BCCIP: variants seen among roughly 807,000 people sequenced by gnomAD.
BCCIP encodes BRCA2 and CDKN1A interacting protein, also known as BRCA2 and CDKN1A-interacting protein.
BCCIP carries 23 observed loss-of-function variants against 32.8 expected under a neutral mutation model. The ratio of observed to expected loss-of-function variants is 0.70; its 90% CI spans 0.51 to 0.99. The LOEUF (loss-of-function observed/expected upper bound fraction) is 0.99. Ranked by LOEUF, BCCIP falls within the 50% of genes least tolerant of loss-of-function variation. The pLI, the probability that BCCIP is intolerant of heterozygous loss-of-function variation, is 0.00. For missense variants in BCCIP, 378 were observed against 379.8 expected (o/e 1.00, Z 0.04); for synonymous variants, 144 against 137.6 (o/e 1.05, Z -0.33).
chr10:125,853,317 T>G, exon 8 of BCCIP: 1 of 824,228 alleles, frequency 1.2e-6, no homozygotes. Flanking sequence ...AATGGTAAAT[T>G]AGTCAATATT....
intron 7 of BCCIP, chr10:125,852,570 T>C (rs758457394): frequency 6.2e-7 from 1 of 1,613,804 alleles, no homozygotes; most frequent in Non-Finnish European, 8.5e-7. Context: ...AGAATCTGCT[T>C]GCGTATCTCT....
intron 4 of BCCIP, 87 bp downstream of exon 4, chr10:125,830,738 T>TA: frequency 1.3e-6 from 1 of 778,894 alleles, no homozygotes; most frequent in Non-Finnish European, 2.2e-6. Flanking sequence ...TCTTTTATGT[T>TA]AAACAGTGAT....
At chr10:125,852,697 TC>T in intron 7 of BCCIP, 1 of 1,474,452 alleles carries the variant, frequency 6.8e-7, no homozygotes, top group Non-Finnish European at 9.2e-7. Context: ...TTCAGTAGGC[TC>T]ACTGATCCTG....
intron 1 of BCCIP, among the ~76,000 whole-genome samples, chr10:125,825,183 G>T (rs1185676844): frequency 6.6e-6 from 1 of 152,224 alleles, no homozygotes; most frequent in Non-Finnish European, 1.5e-5. Context: ...GGGAATGAGG[G>T]ACAGGGCTCT....
intron 1 of BCCIP, chr10:125,826,352 C>G (rs1854388574): frequency 9.2e-6 from 5 of 540,958 alleles, no homozygotes; most frequent in South Asian, 6.8e-5. Flanking sequence ...CCCTTGTAAT[C>G]AGGAAAATAA....
At chr10:125,830,243 T>C (rs1334599090) in intron 3 of BCCIP, among the ~76,000 whole-genome samples, 6 of 152,240 alleles carry the variant, frequency 3.9e-5, no homozygotes, top group Admixed American at 3.9e-4. Context: ...TTGTATTATA[T>C]TGAGAATCTG....
rs756821006 is a variant in BCCIP at position 125,833,779 on chromosome 10, C to T, written c.607C>T (p.Leu203=). 6.2e-7 allele frequency: 1 copy of T among 1,613,948 alleles called. No individual in the cohort carries two copies. The highest frequency in any genetic ancestry group is 1.1e-5 in the South Asian group (1 of 91,034). The change falls in exon 6 of 7, where the codon CTG becomes TTG. Residue 203 remains leucine, a synonymous_variant. Coordinates refer to ENST00000278100, the MANE Select transcript of BCCIP (RefSeq NM_078468.3). ...TGTGTGTGTGCCTTGCAGGAAAGAA[C>T]TGGCGGGGGCACACAGAACCAATAA... ...LPMYQQLQKE[L]AGAHRTNKPC...
At chr10:125,849,326 C>T (rs996165227) in intron 7 of BCCIP, among the ~76,000 whole-genome samples, 1 of 152,186 alleles carries the variant, frequency 6.6e-6, no homozygotes, top group Non-Finnish European at 1.5e-5. Context: ...GCCTAAAGGG[C>T]TTCAGGAGCC....
intron 5 of BCCIP, 152 bp from the exon 6 acceptor site, chr10:125,833,620 A>C: frequency 1.5e-6 from 1 of 663,900 alleles, no homozygotes; most frequent in Non-Finnish European, 2.6e-6. Flanking sequence ...TATGTAAATA[A>C]AAATCATTCC....
intron 7 of BCCIP, among the ~76,000 whole-genome samples, chr10:125,849,595 T>C (rs1944064468): frequency 6.6e-6 from 1 of 151,480 alleles, no homozygotes; most frequent in Non-Finnish European, 1.5e-5. Flanking sequence ...GCTAGAATAT[T>C]TGCTCGACTC....
At chr10:125,835,760 A>T (rs1439826099) in intron 6 of BCCIP, among the ~76,000 whole-genome samples, 1 of 152,238 alleles carries the variant, frequency 6.6e-6, no homozygotes, top group East Asian at 1.9e-4. Context: ...GTGTTTGAAG[A>T]CAAGTTCTTG....
chr10:125,835,868 A>C (rs761069013), intron 6 of BCCIP, among the ~76,000 whole-genome samples: 13 of 152,274 alleles, frequency 8.5e-5, no homozygotes, highest in African/African-American at 1.4e-4. Flanking sequence ...TTCACCTCTT[A>C]GAAATTGCAC....
At chr10:125,840,840 C>T (rs765969155), downstream of BCCIP, 24 of 1,576,844 alleles carry the variant, frequency 1.5e-5, no homozygotes, top group African/African-American at 3.3e-4. Flanking sequence ...TCTGAGCATT[C>T]ACTTACACTC....
downstream of BCCIP, chr10:125,836,854 AT>A: frequency 6.2e-7 from 1 of 1,613,896 alleles, no homozygotes; most frequent in Non-Finnish European, 8.5e-7. Flanking sequence ...AGCTGCATAA[AT>A]CTGTTTATTT....
chr10:125,825,391 T>G (rs2134005177), intron 1 of BCCIP: 1 of 152,354 alleles, frequency 6.6e-6, no homozygotes, highest in African/African-American at 2.4e-5. Flanking sequence ...TATTTATATC[T>G]AAGGAATAAG....
chr10:125,836,367 T>G lies in BCCIP; in HGVS notation c.*93T>G. 1 of 1,579,464 alleles carries G rather than the reference T, an allele frequency of 6.3e-7. No individual in the cohort carries two copies. On this transcript the variant is annotated 3_prime_UTR_variant, in exon 7 of 7. Coordinates refer to ENST00000278100, the MANE Select transcript of BCCIP (RefSeq NM_078468.3). ...TGAAAAACTCAGACTTTATTCAGAT[T>G]AAGTTCCTCTACAAAAAGTAGGGTT...
chr10:125,827,599 T>A lies in BCCIP; in HGVS notation c.282T>A (p.Asp94Glu). Residue 94 changes from aspartate (D) to glutamate (E), a missense_variant, in exon 3 of 7, where the codon GAT becomes GAA. Transcript: ENST00000278100. ...CTGTGAACACTGCAGAACTAACAGATCTCTTAATTCAACAGAACCATATTG... is the reference window on the plus strand; with the variant it reads ...CTGTGAACACTGCAGAACTAACAGAACTCTTAATTCAACAGAACCATATTG... ...KAPVNTAELT[D>E]LLIQQNHIGS... The A allele has an allele frequency of 6.2e-7, 1 of 1,613,276 alleles. No individual in the cohort carries two copies.
chr10:125,845,536 A>AGGG (rs971532562), downstream of BCCIP, among the ~76,000 whole-genome samples: 106 of 152,346 alleles, frequency 7.0e-4, 1 homozygote, highest in African/African-American at 2.5e-3. Flanking sequence ...AGGATAGGGC[A>AGGG]GGGGGTCTCC....
chr10:125,829,763 A>G (rs1354411319), intron 3 of BCCIP, among the ~76,000 whole-genome samples: 1 of 152,236 alleles, frequency 6.6e-6, no homozygotes, highest in African/African-American at 2.4e-5. Context: ...CGTGTCTTAG[A>G]AGACCTAATG....
Sources: gnomAD v4.1 joint callset for allele counts (sites outside exome capture counted in the v4.1 genomes callset) on GRCh38, gnomAD v4.1.1 for gene constraint, MANE v1.5 for transcripts, NCBI Gene and HGNC (gene_info 2026-07-23, HGNC 2026-07-21) for gene names.